CHD5: variants seen among roughly 807,000 people sequenced by gnomAD.
The protein encoded by CHD5 is ATP-dependent chromatin remodeler CHD5.
In CHD5, 69 loss-of-function variants were observed where a neutral mutation model predicts 230.3. That is an observed-to-expected ratio of 0.30 (90% CI 0.25 to 0.37). CHD5 has a LOEUF of 0.37. Among genes scored for constraint, CHD5 ranks in the 10% least tolerant of loss-of-function variants. The pLI, the probability that CHD5 is intolerant of heterozygous loss-of-function variation, is 1.00. For synonymous variants in CHD5, 1,064 were observed against 1,065.9 expected, an observed-to-expected ratio of 1.00 and a Z score of 0.03; for missense variants, 1,827 against 2,622.8, an observed-to-expected ratio of 0.70 and a Z score of 6.63.
Position 6,117,770 on chromosome 1 carries a change from C to A in CHD5, c.4912+3335G>T, listed in dbSNP as rs148940685. ...TCTCACCCACTAGGGTGACTATAAT[C>A]AAAAAGACAGATAATAACAGGTATT... On this transcript the variant is annotated intron_variant, in intron 33 of 41. Transcript: ENST00000262450. Among the ~76,000 whole-genome samples, 794 of 152,234 alleles carry A rather than the reference C, an allele frequency of 5.2e-3. 6 individuals are homozygous for A. Among genetic ancestry groups the A allele is most frequent in the African/African-American group, 0.018 (735 of 41,528 alleles).
rs1346592092 is a variant in CHD5, at chr1:6,159,273, A to G, written c.387+63T>C. The G allele has an allele frequency of 3.2e-6, 5 of 1,542,406 alleles. No individual in the cohort carries two copies. In the Admixed American group the frequency reaches 8.0e-5, roughly 25 times the overall value. ...CACACACACACAGAACATACAGGCA[A>G]GAGGCTCAGCCCCCTTAAAGGGGGA... On this transcript the variant is annotated intron_variant, in intron 3 of 41. Coordinates refer to ENST00000262450, the MANE Select transcript of CHD5 (RefSeq NM_015557.3).
rs1667050456 is a variant in CHD5, at chr1:6,154,497, T to G, written c.745+163A>C. Among the ~76,000 whole-genome samples the G allele has an allele frequency of 6.6e-6, 1 of 152,168 alleles. No individual in the cohort carries two copies. The highest frequency in any genetic ancestry group is 2.4e-5 in the African/African-American group (1 of 41,448). ...AGAGGCGACGATGCTGCCTCACTGC[T>G]GAGAAAGGACCGGGCAATCCAAGGT... On this transcript the variant is annotated intron_variant, in intron 5 of 41. Transcript: ENST00000262450. This position sits in a 1 kb window ranked among gnomAD's most constrained non-coding sequence, Gnocchi z 7.0.
intron 3 of CHD5, among the ~76,000 whole-genome samples, chr1:6,158,417 C>G (rs1667112108): frequency 6.6e-6 from 1 of 152,216 alleles, no homozygotes; most frequent in African/African-American, 2.4e-5. Context: ...GCAAAGACTC[C>G]ATTTGTTGTT....
At chr1:6,171,209 G>T (rs954975590) in intron 1 of CHD5, among the ~76,000 whole-genome samples, 1 of 152,196 alleles carries the variant, frequency 6.6e-6, no homozygotes, top group Non-Finnish European at 1.5e-5. Flanking sequence ...TCTGCCCGTG[G>T]GTAAGGGGAG....
In CHD5 at chr1:6,167,923, C is replaced by T. The variant is rs1001768644; in HGVS notation, c.207+227G>A. 3.9e-5 allele frequency among the ~76,000 whole-genome samples: 6 copies of T among 152,198 alleles called. No individual in the cohort carries two copies. The highest frequency in any genetic ancestry group is 7.3e-5 in the Non-Finnish European group (5 of 68,032). ...GGACAACGGGAGGAAGGAAAAATGACGCTCCGACATCCTGCTCCGGAAACA... is the reference window on the plus strand; with the variant it reads ...GGACAACGGGAGGAAGGAAAAATGATGCTCCGACATCCTGCTCCGGAAACA... On this transcript the variant is annotated intron_variant, in intron 2 of 41. Coordinates refer to ENST00000262450, the MANE Select transcript of CHD5 (RefSeq NM_015557.3). This position sits in a 1 kb window ranked among gnomAD's most constrained non-coding sequence, Gnocchi z 4.5.
rs1451261102 is a variant in CHD5 at position 6,167,430 on chromosome 1, G to C, written c.207+720C>G. On this transcript the variant is annotated intron_variant, in intron 2 of 41. Transcript: ENST00000262450. This position sits in a 1 kb window ranked among gnomAD's most constrained non-coding sequence, Gnocchi z 4.5. ...AGCAGACAGCATATGGTGAGGAAATGGCAGACCTCAGTGTCCTAGACCAAG... is the reference window on the plus strand; with the variant it reads ...AGCAGACAGCATATGGTGAGGAAATCGCAGACCTCAGTGTCCTAGACCAAG... Among the ~76,000 whole-genome samples the C allele has an allele frequency of 6.6e-6, 1 of 152,172 alleles. No homozygotes were observed. Among genetic ancestry groups the C allele is most frequent in the Non-Finnish European group, 1.5e-5 (1 of 68,018 alleles).
In CHD5 at chr1:6,131,041, G is replaced by GT. The variant is rs1321853800; in HGVS notation, c.3262+589_3262+590insA. Among the ~76,000 whole-genome samples, 1 of 152,194 alleles carries GT rather than the reference G, an allele frequency of 6.6e-6. No individual in the cohort carries two copies. The highest frequency in any genetic ancestry group is 2.4e-5 in the African/African-American group (1 of 41,454). On this transcript the variant is annotated intron_variant, in intron 21 of 41. Coordinates refer to ENST00000262450, the MANE Select transcript of CHD5 (RefSeq NM_015557.3). The surrounding 1 kb of genome is among the most constrained non-coding windows in gnomAD (Gnocchi z 5.0). The stretch of plus-strand genomic sequence containing the variant: ...GTGGCCCCAGCCCCTAAGGGCTGAC[G>GT]CCCCAGGGAAACAAAGCTTGTTACT...
chr1:6,170,430 G>A (rs543335007), intron 1 of CHD5, among the ~76,000 whole-genome samples: 1 of 152,324 alleles, frequency 6.6e-6, no homozygotes, highest in South Asian at 2.1e-4. Context: ...CTCCTCGGGG[G>A]CACCGGGGCT....
intron 34 of CHD5, 126 bp from the exon 35 acceptor site, chr1:6,112,403 G>A (rs990342967): frequency 4.0e-5 from 48 of 1,209,686 alleles, no homozygotes; most frequent in East Asian, 3.0e-4. Flanking sequence ...CAGGGGACTC[G>A]CTGCCCAGAA....
intron 3 of CHD5, among the ~76,000 whole-genome samples, chr1:6,158,205 C>T (rs1667109253): frequency 1.3e-5 from 2 of 152,208 alleles, no homozygotes; most frequent in Non-Finnish European, 2.9e-5. Context: ...TCCGGAGCAC[C>T]TCAGCATGAC....
Position 6,125,297 on chromosome 1 carries a change from G to C in CHD5, c.4261-64C>G. ...AGAGGGGTGGGGGTGGAGGATTCTG[G>C]GATGGGGGAAGAAAAGCATGGGAGG... is the stretch of plus-strand genomic sequence containing the variant. On this transcript the variant is annotated intron_variant, in intron 28 of 41. Coordinates refer to ENST00000262450, the MANE Select transcript of CHD5 (RefSeq NM_015557.3). The surrounding 1 kb of genome is among the most constrained non-coding windows in gnomAD (Gnocchi z 6.7). 6.7e-7 allele frequency: 1 copy of C among 1,502,696 alleles called. No homozygotes were observed. 93.1% of individuals were successfully genotyped at this position (1,502,696 alleles called of 1,614,324 possible).
At chr1:6,115,447 G>C (rs6670822) in intron 33 of CHD5, among the ~76,000 whole-genome samples, 42,131 of 152,066 alleles carry the variant, frequency 0.28, 6,359 homozygotes, top group South Asian at 0.4. Flanking sequence ...TTAAAACAGG[G>C]AGATGACCTG....
chr1:6,126,756 C>T lies in CHD5; in HGVS notation c.3904-10G>A, dbSNP rs372704439. 6.2e-7 allele frequency: 1 copy of T among 1,611,656 alleles called. No individual in the cohort carries two copies. Among genetic ancestry groups the T allele is most frequent in the African/African-American group, 1.3e-5 (1 of 74,986 alleles). On this transcript the variant is annotated splice_polypyrimidine_tract_variant and intron_variant, in intron 25 of 41. Coordinates refer to ENST00000262450, the MANE Select transcript of CHD5 (RefSeq NM_015557.3). This position sits in a 1 kb window ranked among gnomAD's most constrained non-coding sequence, Gnocchi z 5.7. ...CCCGCTCCACCTCCTCCTGGGGACG[C>T]AGCACCACGGGTTCCATGGGTGGAG... is the stretch of plus-strand genomic sequence containing the variant.
At chr1:6,136,987 G>T in intron 15 of CHD5, 122 bp from the exon 16 acceptor site, 1 of 1,092,718 alleles carries the variant, frequency 9.2e-7, no homozygotes, top group Non-Finnish European at 1.3e-6. Flanking sequence ...CGGAGCCCTG[G>T]GCCGGCCAGC....
Position 6,146,407 on chromosome 1 carries a change from G to A in CHD5, c.1607C>T (p.Thr536Met), listed in dbSNP as rs1195000490. 20 of 1,613,900 alleles carry A rather than the reference G, an allele frequency of 1.2e-5. No individual in the cohort carries two copies. The highest frequency in any genetic ancestry group is 4.5e-5 in the East Asian group (2 of 44,882). Residue 536 changes from threonine to methionine, a missense_variant, in exon 11 of 42, where the codon ACG (threonine) becomes ATG (methionine). Physicochemically the swap from Thr to Met is moderately conservative, Grantham distance 81. This residue lies in a region of CHD5 where 657 missense variants were observed against 816.4 expected (regional missense o/e 0.80). Transcript: ENST00000262450. The surrounding 1 kb of genome is among the most constrained non-coding windows in gnomAD (Gnocchi z 5.1). ...TCTTTGGTAGTTGCGATACATCACC[G>A]TGTGGTACAGCTCCAGCTGCTCATG... is the stretch of plus-strand genomic sequence containing the variant. ...VKELQLELYH[T>M]VMYRNYQRKN...
At chr1:6,145,437 A>C (rs1666895079) in intron 11 of CHD5, among the ~76,000 whole-genome samples, 1 of 152,258 alleles carries the variant, frequency 6.6e-6, no homozygotes. Context: ...ACCAGGCAGC[A>C]GGTACTCTGG....
Position 6,144,029 on chromosome 1 carries a change from G to A in CHD5, c.1929C>T (p.Gly643=). 6.2e-7 allele frequency: 1 copy of A among 1,614,164 alleles called. No individual in the cohort carries two copies. Residue 643 remains glycine (G), a synonymous_variant, in exon 12 of 42, where the codon GGC becomes GGT. Coordinates refer to ENST00000262450, the MANE Select transcript of CHD5 (RefSeq NM_015557.3). ...GCCGGATCCCTGCGACCCACCTGTG[G>A]CCCCAGTAGGCCTGCTTGAGGTTGT... ...YYDNLKQAYW[G]HRELMLGEDT...
chr1:6,179,403 C>A lies in CHD5; in HGVS notation c.79+542G>T, dbSNP rs544919321. 9.2e-5 allele frequency among the ~76,000 whole-genome samples: 14 copies of A among 152,192 alleles called. No individual in the cohort carries two copies. In the South Asian group the frequency reaches 2.1e-3, roughly 23 times the overall value. The stretch of plus-strand genomic sequence containing the variant: ...GTCCCAGAGCGGAGTCCTCCTGGGC[C>A]GGGAGGGAAGCCGCCCCATCCTGGG... On this transcript the variant is annotated intron_variant, in intron 1 of 41. Coordinates refer to ENST00000262450, the MANE Select transcript of CHD5 (RefSeq NM_015557.3).
In CHD5 at chr1:6,134,006, G is replaced by C; in HGVS notation, c.3144+122C>G. 2 of 923,054 alleles carry C rather than the reference G, an allele frequency of 2.2e-6. No individual in the cohort carries two copies. Among genetic ancestry groups the C allele is most frequent in the Admixed American group, 4.6e-5 (2 of 43,212 alleles). The allele number at this position is 923,054 out of a possible 1,614,324, so 57.2% of individuals were successfully genotyped here. On this transcript the variant is annotated intron_variant, in intron 20 of 41. Transcript: ENST00000262450. This position sits in a 1 kb window ranked among gnomAD's most constrained non-coding sequence, Gnocchi z 6.3. ...AGTGACCCCTGACACACAGTCACAT[G>C]ACCCACATGGGAACGGCACTGGGCC...
Sources: allele counts gnomAD v4.1 joint callset (sites outside exome capture counted in the v4.1 genomes callset), GRCh38; gene constraint gnomAD v4.1.1; regional missense constraint gnomAD v4.1.1; non-coding constraint Gnocchi (gnomAD v3.1); transcripts MANE v1.5; gene names NCBI Gene and HGNC (gene_info 2026-07-23, HGNC 2026-07-21).